The following MTUS2 variants were observed in gnomAD, a reference collection of about 807,000 sequenced individuals.
The protein encoded by MTUS2 is microtubule-associated tumor suppressor candidate 2.
MTUS2 carries 40 observed loss-of-function variants against 114.1 expected under a neutral mutation model. That is an observed-to-expected ratio of 0.35 (90% CI 0.27 to 0.46). The LOEUF is 0.46. Among genes scored for constraint, MTUS2 ranks in the 20% least tolerant of loss-of-function variants. The probability of loss-of-function intolerance (pLI) is 1.00; values close to 1 mark genes in which losing one functional copy is unlikely to be tolerated. For synonymous variants in MTUS2, 688 were observed against 672.0 expected, an observed-to-expected ratio of 1.02 and a Z score of -0.37; for missense variants, 1,679 against 1,705.4, an observed-to-expected ratio of 0.98 and a Z score of 0.27.
chr13:29,111,769 A>ATT (rs548947179), intron 5 of MTUS2, among the ~76,000 whole-genome samples: 2 of 148,068 alleles, frequency 1.4e-5, no homozygotes, highest in Admixed American at 6.8e-5. Flanking sequence ...AGATTGATAT[A>ATT]TTTTTTTTTT....
chr13:28,884,694 T>G (rs1878488500), intron 2 of MTUS2, among the ~76,000 whole-genome samples: 2 of 152,210 alleles, frequency 1.3e-5, no homozygotes, highest in African/African-American at 4.8e-5. Context: ...TGCAGTTTTC[T>G]GGTTTGATAT....
intron 2 of MTUS2, among the ~76,000 whole-genome samples, chr13:29,004,377 T>C (rs1182350863): frequency 7.6e-6 from 1 of 131,248 alleles, no homozygotes. Flanking sequence ...ATTCTCTATA[T>C]AGTATTATAT....
chr13:29,039,167 G>C (rs988359425), intron 4 of MTUS2, among the ~76,000 whole-genome samples: 1 of 152,220 alleles, frequency 6.6e-6, no homozygotes, highest in Non-Finnish European at 1.5e-5. Context: ...GCGGAGGACG[G>C]GCCTGGACCG....
At chr13:29,193,452 AACAG>A (rs891917413) in intron 5 of MTUS2, among the ~76,000 whole-genome samples, 12 of 152,212 alleles carry the variant, frequency 7.9e-5, no homozygotes, top group South Asian at 2.1e-4. Flanking sequence ...ATACACCAAT[AACAG>A]ACAGAGAGGC....
intron 7 of MTUS2, among the ~76,000 whole-genome samples, chr13:29,353,129 C>T (rs1338840406): frequency 2.0e-5 from 3 of 152,188 alleles, no homozygotes; most frequent in African/African-American, 4.8e-5. Context: ...TTTTAGATGA[C>T]AGGCATTATG....
intron 7 of MTUS2, among the ~76,000 whole-genome samples, chr13:29,345,144 A>G (rs1184120697): frequency 6.6e-6 from 1 of 152,064 alleles, no homozygotes; most frequent in Non-Finnish European, 1.5e-5. Flanking sequence ...CTAGGCAATG[A>G]TCTTTTGCGA....
chr13:29,188,467 G>A (rs7337486), intron 5 of MTUS2, among the ~76,000 whole-genome samples: 3,735 of 152,182 alleles, frequency 0.025, 151 homozygotes, highest in African/African-American at 0.085. Flanking sequence ...TAGCTCAAAA[G>A]CCTGCAAGCA....
At chr13:29,337,331 G>A (rs913758771) in intron 7 of MTUS2, among the ~76,000 whole-genome samples, 17 of 152,280 alleles carry the variant, frequency 1.1e-4, no homozygotes, top group East Asian at 5.8e-4. Flanking sequence ...TGGGAAAAGC[G>A]CAGTTTCTGG....
At chr13:29,165,332 C>T (rs1463402838) in intron 5 of MTUS2, among the ~76,000 whole-genome samples, 1 of 152,184 alleles carries the variant, frequency 6.6e-6, no homozygotes, top group East Asian at 1.9e-4. Flanking sequence ...AAACCTTCGC[C>T]ACCATCTCAC....
intron 6 of MTUS2, among the ~76,000 whole-genome samples, chr13:29,289,641 A>AT (rs1455826710): frequency 6.6e-6 from 1 of 151,250 alleles, no homozygotes; most frequent in Non-Finnish European, 1.5e-5. Flanking sequence ...TTTTTTTTTA[A>AT]TTTTTAGTAG....
intron 2 of MTUS2, among the ~76,000 whole-genome samples, chr13:29,015,473 C>T (rs956139648): frequency 1.2e-4 from 18 of 152,090 alleles, no homozygotes; most frequent in Admixed American, 5.9e-4. Context: ...CTGTGCCAGG[C>T]GCTGCTAGGC....
At chr13:29,285,274 T>C (rs531998443) in intron 6 of MTUS2, among the ~76,000 whole-genome samples, 14 of 151,326 alleles carry the variant, frequency 9.3e-5, no homozygotes, top group African/African-American at 3.2e-4. Flanking sequence ...ATCTGGTAAA[T>C]AAAGGAAAAG....
At chr13:28,874,678 G>A (rs1014745805) in intron 2 of MTUS2, among the ~76,000 whole-genome samples, 1 of 152,134 alleles carries the variant, frequency 6.6e-6, no homozygotes, top group Middle Eastern at 3.2e-3. Flanking sequence ...CTGCAATGAC[G>A]TAACATCAGA....
chr13:28,933,730 A>G lies in MTUS2; in HGVS notation c.-242-90727A>G, dbSNP rs543572436. 2.6e-5 allele frequency among the ~76,000 whole-genome samples: 4 copies of G among 152,298 alleles called. No individual in the cohort carries two copies. In the East Asian group the frequency reaches 5.8e-4, roughly 22 times the overall value. On this transcript the variant is annotated intron_variant, in intron 2 of 15. Transcript: ENST00000612955. ...GTAAAGATGAACCTTATTTCCCACC[A>G]TTCAGCAAACAAGGAAACAAATGCT...
In MTUS2 at chr13:28,901,722, C is replaced by T. The variant is rs1879655308; in HGVS notation, c.-243+61872C>T. On this transcript the variant is annotated intron_variant, in intron 2 of 15. Coordinates refer to ENST00000612955, the MANE Select transcript of MTUS2 (RefSeq NM_001033602.4). The stretch of plus-strand genomic sequence containing the variant: ...TGCTGTGTTCCATTGGTCTGTGTGT[C>T]TATGCCTCTACCAATACCATACTAT... 3.9e-5 allele frequency among the ~76,000 whole-genome samples: 6 copies of T among 152,114 alleles called. No individual in the cohort carries two copies. The South Asian group carries it at 1.2e-3, about 32-fold the overall frequency.
chr13:28,894,288 GGGAGAGA>G (rs1879108004), intron 2 of MTUS2, among the ~76,000 whole-genome samples: 1 of 20,920 alleles, frequency 4.8e-5, no homozygotes, highest in African/African-American at 2.9e-4. Context: ...GTGGGGGGGG[GGGAGAGA>G]GAGAGAGAGG....
chr13:29,323,721 A>G (rs1054656695), intron 6 of MTUS2, among the ~76,000 whole-genome samples: 1 of 152,200 alleles, frequency 6.6e-6, no homozygotes, highest in African/African-American at 2.4e-5. Context: ...GGGAGAATAA[A>G]CACAAAATTG....
intron 9 of MTUS2, among the ~76,000 whole-genome samples, chr13:29,447,568 G>C (rs1878372830): frequency 6.6e-6 from 1 of 151,158 alleles, no homozygotes; most frequent in South Asian, 2.1e-4. Flanking sequence ...TGGTTACCTG[G>C]CTCTAGGTGG....
chr13:28,994,001 A>G (rs1884975019), intron 2 of MTUS2, among the ~76,000 whole-genome samples: 1 of 152,050 alleles, frequency 6.6e-6, no homozygotes, highest in Non-Finnish European at 1.5e-5. Context: ...TGCTGCACCC[A>G]TTAACTCGTC....
Sources: allele counts gnomAD v4.1 joint callset (sites outside exome capture counted in the v4.1 genomes callset), GRCh38; gene constraint gnomAD v4.1.1; transcripts MANE v1.5; gene names NCBI Gene and HGNC (gene_info 2026-07-23, HGNC 2026-07-21).